Variants in CAMTA1 observed in about 807,000 individuals in gnomAD.
CAMTA1 encodes calmodulin-binding transcription activator 1.
In CAMTA1, 27 loss-of-function variants were observed where a neutral mutation model predicts 170.9. The observed-to-expected ratio is 0.16, with a 90% CI of 0.12 to 0.22. The LOEUF (loss-of-function observed/expected upper bound fraction) is 0.22. Ranked by LOEUF, CAMTA1 falls within the 10% of genes least tolerant of loss-of-function variation. The pLI, the probability that CAMTA1 is intolerant of heterozygous loss-of-function variation, is 1.00. For synonymous variants in CAMTA1, 833 were observed against 891.5 expected (o/e 0.93, Z 1.17); for missense variants, 1,619 against 2,217.2 (o/e 0.73, Z 5.42).
At chr1:7,350,180 C>T (rs2084548009) in intron 5 of CAMTA1, among the ~76,000 whole-genome samples, 1 of 152,172 alleles carries the variant, frequency 6.6e-6, no homozygotes. Context: ...ACTATCCCAG[C>T]ACCCATCCCC....
chr1:6,832,730 T>G (rs939338514), intron 3 of CAMTA1, among the ~76,000 whole-genome samples: 1 of 152,192 alleles, frequency 6.6e-6, no homozygotes, highest in Non-Finnish European at 1.5e-5. Flanking sequence ...GGGCTAGTGG[T>G]TTGAACGGTC....
chr1:7,552,612 T>C (rs1418652531), intron 6 of CAMTA1, among the ~76,000 whole-genome samples: 4 of 152,196 alleles, frequency 2.6e-5, no homozygotes, highest in African/African-American at 9.6e-5. Flanking sequence ...GCCCTGTCCA[T>C]CCCGGGTCAC....
At chr1:6,913,584 C>G (rs776138648) in intron 3 of CAMTA1, among the ~76,000 whole-genome samples, 7 of 152,156 alleles carry the variant, frequency 4.6e-5, no homozygotes, top group Non-Finnish European at 8.8e-5. Flanking sequence ...TTTCTTCCTG[C>G]CCTGGGTGCT....
intron 3 of CAMTA1, among the ~76,000 whole-genome samples, chr1:6,854,943 C>T (rs1661726133): frequency 6.6e-6 from 1 of 152,082 alleles, no homozygotes; most frequent in African/African-American, 2.4e-5. Context: ...TCTTTTGAGA[C>T]AGGGAAAGAG....
At chr1:7,603,033 C>T (rs981335804) in intron 6 of CAMTA1, among the ~76,000 whole-genome samples, 1 of 152,192 alleles carries the variant, frequency 6.6e-6, no homozygotes, top group African/African-American at 2.4e-5. Context: ...TTTGATTGCA[C>T]TGTGGTCTGA....
rs943291537 is a variant in CAMTA1, at chr1:7,704,799, T to C, written c.2914+27066T>C. On this transcript the variant is annotated intron_variant, in intron 11 of 22. Transcript: ENST00000303635. ...GAGCTGAGCGGGCGCGGGGCCGGGC[T>C]GGGCCGGGCCGGGCGGGGCCGGGCG... 5.2e-3 allele frequency among the ~76,000 whole-genome samples: 742 copies of C among 141,608 alleles called. 16 individuals are homozygous for C. Among genetic ancestry groups the C allele is most frequent in the Admixed American group, 0.037 (535 of 14,590 alleles). The allele number at this position is 141,608 out of a possible 152,430, so 92.9% of individuals were successfully genotyped here.
At chr1:7,578,380 G>A (rs112467864) in intron 6 of CAMTA1, among the ~76,000 whole-genome samples, 6,327 of 152,236 alleles carry the variant, frequency 0.042, 451 homozygotes, top group African/African-American at 0.14. Flanking sequence ...ACAAAGCCAC[G>A]TGTCCCTCCC....
intron 3 of CAMTA1, among the ~76,000 whole-genome samples, chr1:6,828,375 T>C (rs925657048): frequency 2.3e-5 from 3 of 130,496 alleles, no homozygotes; most frequent in African/African-American, 8.7e-5. Context: ...CACTGCAACC[T>C]CCGCCTCCCG....
chr1:7,077,388 C>T (rs1009500509), intron 3 of CAMTA1, among the ~76,000 whole-genome samples: 8 of 152,006 alleles, frequency 5.3e-5, no homozygotes, highest in Non-Finnish European at 1.2e-4. Context: ...AGTGCCTCCC[C>T]GTTGCTGCAG....
intron 4 of CAMTA1, among the ~76,000 whole-genome samples, chr1:7,176,379 A>C: frequency 6.6e-6 from 1 of 152,084 alleles, no homozygotes; most frequent in Admixed American, 6.5e-5. Flanking sequence ...CTTGAGGGAG[A>C]TGTAGGCTGC....
At chr1:7,451,301 A>G (rs1318722286) in intron 5 of CAMTA1, among the ~76,000 whole-genome samples, 1 of 152,156 alleles carries the variant, frequency 6.6e-6, no homozygotes, top group Non-Finnish European at 1.5e-5. Context: ...AGATCAGTGC[A>G]CTGAGCTCTG....
intron 5 of CAMTA1, among the ~76,000 whole-genome samples, chr1:7,451,404 A>G (rs1423697920): frequency 6.6e-6 from 1 of 152,062 alleles, no homozygotes; most frequent in Admixed American, 6.5e-5. Context: ...CGCCCTCGCC[A>G]CTGCGGCACT....
intron 5 of CAMTA1, among the ~76,000 whole-genome samples, chr1:7,413,542 A>G (rs2090948782): frequency 6.6e-6 from 1 of 152,052 alleles, no homozygotes; most frequent in Non-Finnish European, 1.5e-5. Context: ...TTCATTCATG[A>G]TTTGGCTCTC....
At chr1:7,408,331 CTG>C (rs2090449396) in intron 5 of CAMTA1, among the ~76,000 whole-genome samples, 2 of 152,244 alleles carry the variant, frequency 1.3e-5, no homozygotes, top group South Asian at 4.1e-4. Context: ...CTCCGCGTGT[CTG>C]TGGAGTAAGA....
chr1:7,078,417 C>T (rs1639594342), intron 3 of CAMTA1, among the ~76,000 whole-genome samples: 1 of 152,186 alleles, frequency 6.6e-6, no homozygotes, highest in Non-Finnish European at 1.5e-5. Context: ...ATTGAGTCGT[C>T]TTCAGACACT....
At chr1:7,751,096 G>T in intron 19 of CAMTA1, 103 bp from the exon 20 acceptor site, 2 of 935,216 alleles carry the variant, frequency 2.1e-6, no homozygotes, top group Admixed American at 2.2e-5. Flanking sequence ...GATAATAGAG[G>T]GGAAAAGCAT....
chr1:7,498,217 TG>T (rs2093867206), intron 6 of CAMTA1, among the ~76,000 whole-genome samples: 1 of 150,528 alleles, frequency 6.6e-6, no homozygotes, highest in Non-Finnish European at 1.5e-5. Flanking sequence ...ACAGTGTGGA[TG>T]TGTGTGTATG....
chr1:7,490,380 G>A (rs146806253), intron 6 of CAMTA1, among the ~76,000 whole-genome samples: 1,685 of 152,328 alleles, frequency 0.011, 37 homozygotes, highest in African/African-American at 0.039. Flanking sequence ...GGCCGGGCGC[G>A]ATGGCTCATG....
intron 4 of CAMTA1, among the ~76,000 whole-genome samples, chr1:7,153,594 A>G (rs1175358209): frequency 1.3e-5 from 2 of 152,074 alleles, no homozygotes; most frequent in East Asian, 3.9e-4. Flanking sequence ...TGCAAGGAGA[A>G]AGGTCCAGAG....
Sources: allele counts gnomAD v4.1 joint callset (sites outside exome capture counted in the v4.1 genomes callset), GRCh38; gene constraint gnomAD v4.1.1; transcripts MANE v1.5; gene names NCBI Gene and HGNC (gene_info 2026-07-23, HGNC 2026-07-21).